MYT1L: variants seen among roughly 807,000 people sequenced by gnomAD.
MYT1L encodes the protein myelin transcription factor 1-like protein.
MYT1L carries 12 observed loss-of-function variants against 126.7 expected under a neutral mutation model. That is an observed-to-expected ratio of 0.09 (90% confidence interval 0.06 to 0.15). The LOEUF is 0.15. MYT1L is among the 10% of genes least tolerant of loss of function. The pLI, the probability that MYT1L is intolerant of heterozygous loss-of-function variation, is 1.00. For missense variants in MYT1L, 979 were observed against 1,585.2 expected (o/e 0.62, Z 6.49); for synonymous variants, 541 against 604.2 (o/e 0.90, Z 1.53).
At chr2:2,030,240 G>A (rs2066081432) in intron 4 of MYT1L, among the ~76,000 whole-genome samples, 2 of 152,128 alleles carry the variant, frequency 1.3e-5, no homozygotes, top group Admixed American at 6.5e-5. Context: ...TGGGACTACA[G>A]GCGTATGCTA....
At chr2:2,023,562 G>A (rs2065238525) in intron 4 of MYT1L, among the ~76,000 whole-genome samples, 1 of 152,020 alleles carries the variant, frequency 6.6e-6, no homozygotes, top group Non-Finnish European at 1.5e-5. Flanking sequence ...GGCTCCTGAA[G>A]GACCCCACAG....
At chr2:2,145,126 A>C (rs1374028695) in intron 3 of MYT1L, among the ~76,000 whole-genome samples, 1 of 152,186 alleles carries the variant, frequency 6.6e-6, no homozygotes, top group East Asian at 1.9e-4. Flanking sequence ...AGGGCCATTG[A>C]AGGAGCCCAC....
At chr2:1,989,813 A>G (rs1425801888) in intron 5 of MYT1L, among the ~76,000 whole-genome samples, 1 of 152,148 alleles carries the variant, frequency 6.6e-6, no homozygotes, top group African/African-American at 2.4e-5. Context: ...CCTGGCTAAC[A>G]TGGTGAAAAC....
chr2:1,795,983 C>T (rs1241422934), intron 23 of MYT1L, among the ~76,000 whole-genome samples: 4 of 152,168 alleles, frequency 2.6e-5, no homozygotes, highest in African/African-American at 9.7e-5. Context: ...TGGGGCCTGA[C>T]ATTGAAAGCT....
intron 2 of MYT1L, among the ~76,000 whole-genome samples, chr2:2,177,512 T>C (rs1234150667): frequency 6.6e-6 from 1 of 152,170 alleles, no homozygotes; most frequent in East Asian, 1.9e-4. Flanking sequence ...TGTATTCGTC[T>C]GTTCTCACAC....
chr2:2,318,080 C>T (rs2096097473), intron 1 of MYT1L, among the ~76,000 whole-genome samples: 1 of 152,210 alleles, frequency 6.6e-6, no homozygotes, highest in Non-Finnish European at 1.5e-5. Context: ...CAGCAAGCCT[C>T]ACACTTCAGT....
chr2:2,129,178 TGGA>T (rs1022370108), intron 3 of MYT1L, among the ~76,000 whole-genome samples: 3 of 152,188 alleles, frequency 2.0e-5, no homozygotes, highest in Non-Finnish European at 2.9e-5. Flanking sequence ...AGCAGATGCC[TGGA>T]GGAGAAGGTG....
intron 8 of MYT1L, among the ~76,000 whole-genome samples, chr2:1,966,216 C>T (rs1421862800): frequency 1.3e-5 from 2 of 152,242 alleles, no homozygotes; most frequent in African/African-American, 2.4e-5. Context: ...GCTCCTCTAA[C>T]GCTGAGTGAG....
chr2:2,229,452 T>C (rs2094107199), intron 2 of MYT1L, among the ~76,000 whole-genome samples: 1 of 152,268 alleles, frequency 6.6e-6, no homozygotes, highest in South Asian at 2.1e-4. Context: ...TTCTTTTTTT[T>C]TTGTGTGTGG....
chr2:2,042,918 T>A (rs751283865), intron 4 of MYT1L, among the ~76,000 whole-genome samples: 1 of 152,154 alleles, frequency 6.6e-6, no homozygotes, highest in Non-Finnish European at 1.5e-5. Context: ...GGCAGGGTCT[T>A]CCCAACACTG....
chr2:2,287,213 C>A (rs1333028226), intron 1 of MYT1L, among the ~76,000 whole-genome samples: 6 of 152,056 alleles, frequency 3.9e-5, no homozygotes, highest in Middle Eastern at 3.2e-3. Context: ...AGAGGTCGTG[C>A]CTTTGCACTC....
At chr2:2,038,693 ACACT>A (rs1298319810) in intron 4 of MYT1L, among the ~76,000 whole-genome samples, 3 of 151,908 alleles carry the variant, frequency 2.0e-5, no homozygotes, top group African/African-American at 4.8e-5. Flanking sequence ...GGGTTCCAGT[ACACT>A]CTGGAACCCA....
chr2:2,312,740 G>A (rs78676900), intron 1 of MYT1L, among the ~76,000 whole-genome samples: 32,376 of 152,046 alleles, frequency 0.21, 3,798 homozygotes, highest in South Asian at 0.29. Context: ...AGACAAAGTC[G>A]GCATTAGGCT....
chr2:2,105,743 T>C (rs2078669016), intron 3 of MYT1L, among the ~76,000 whole-genome samples: 1 of 152,222 alleles, frequency 6.6e-6, no homozygotes, highest in African/African-American at 2.4e-5. Context: ...TTGGGGTTAC[T>C]CAATGAAGCT....
At chr2:1,939,970 A>G (rs753540438) in intron 9 of MYT1L, among the ~76,000 whole-genome samples, 6 of 152,256 alleles carry the variant, frequency 3.9e-5, no homozygotes, top group African/African-American at 1.4e-4. Context: ...TAGAAATCAA[A>G]CAAGCCTTCG....
At chr2:1,926,743 T>C (rs1184618509) in intron 9 of MYT1L, among the ~76,000 whole-genome samples, 1 of 152,198 alleles carries the variant, frequency 6.6e-6, no homozygotes, top group South Asian at 2.1e-4. Context: ...TTTGCCATGT[T>C]GGCCAGGCTG....
intron 13 of MYT1L, among the ~76,000 whole-genome samples, chr2:1,905,676 G>A (rs2050960919): frequency 6.6e-6 from 1 of 152,318 alleles, no homozygotes; most frequent in African/African-American, 2.4e-5. Context: ...TTTTGAGTAA[G>A]ATCCTATTTC....
rs144502069 is a variant in MYT1L at position 2,130,031 on chromosome 2, G to A, written c.-304+42841C>T. Among the ~76,000 whole-genome samples the A allele has an allele frequency of 3.7e-3, 560 of 152,084 alleles. 2 individuals are homozygous for A. Among genetic ancestry groups the A allele is most frequent in the Non-Finnish European group, 5.4e-3 (366 of 67,992 alleles). ...TTTCTACGTGGGAAAAGGCACCATAGGTATTCATAAATATTATCAGCAATC... is the reference window on the plus strand; with the variant it reads ...TTTCTACGTGGGAAAAGGCACCATAAGTATTCATAAATATTATCAGCAATC... On this transcript the variant is annotated intron_variant, in intron 3 of 24. Transcript: ENST00000647738.
intron 18 of MYT1L, among the ~76,000 whole-genome samples, chr2:1,873,907 A>C (rs1436273279): frequency 6.6e-6 from 1 of 152,188 alleles, no homozygotes; most frequent in South Asian, 2.1e-4. Flanking sequence ...TCTTCCATCT[A>C]ATGACCACCA....
Sources: gnomAD v4.1 joint callset for allele counts (sites outside exome capture counted in the v4.1 genomes callset) on GRCh38, gnomAD v4.1.1 for gene constraint, MANE v1.5 for transcripts, NCBI Gene and HGNC (gene_info 2026-07-23, HGNC 2026-07-21) for gene names.